The following ULK4 variants were observed in gnomAD, a reference collection of about 807,000 sequenced individuals.
ULK4 encodes inactive serine/threonine-protein kinase ULK4.
Under a neutral mutation model 160.6 loss-of-function variants are expected in ULK4, and 133 were observed. The ratio of observed to expected loss-of-function variants is 0.83; its 90% CI spans 0.72 to 0.96. ULK4 has a LOEUF of 0.96. Among genes scored for constraint, ULK4 ranks in the 40% least tolerant of loss-of-function variants. The pLI is 0.00. For synonymous variants in ULK4, 534 were observed against 539.8 expected, an observed-to-expected ratio of 0.99 and a Z score of 0.15; for missense variants, 1,580 against 1,499.5, an observed-to-expected ratio of 1.05 and a Z score of -0.89.
intron 12 of ULK4, among the ~76,000 whole-genome samples, 189 bp from the exon 13 acceptor site, chr3:41,901,018 TTCCCATTTTACAGATAAAAATATA>T (rs138024885): frequency 0.014 from 2,085 of 152,272 alleles, 21 homozygotes; most frequent in Middle Eastern, 0.024. Flanking sequence ...GGCACCATCA[TTCCCATTTTACAGATAAAAATATA>T]AAACTCTGAG....
intron 31 of ULK4, among the ~76,000 whole-genome samples, chr3:41,569,742 T>C (rs746808411): frequency 2.0e-5 from 3 of 152,038 alleles, no homozygotes; most frequent in African/African-American, 4.8e-5. Flanking sequence ...ATCTATGCTA[T>C]CAGACTTTTC....
intron 31 of ULK4, among the ~76,000 whole-genome samples, chr3:41,570,039 G>A (rs1005434417): frequency 6.6e-6 from 1 of 152,172 alleles, no homozygotes; most frequent in Non-Finnish European, 1.5e-5. Flanking sequence ...GTATCAGAGT[G>A]AGAACATGAA....
chr3:41,524,459 C>A (rs577902659), intron 32 of ULK4, among the ~76,000 whole-genome samples: 25 of 152,256 alleles, frequency 1.6e-4, no homozygotes, highest in African/African-American at 5.8e-4. Flanking sequence ...CAATGGCCAA[C>A]TAGGAGTTCA....
chr3:41,831,960 T>C (rs1369690565), intron 18 of ULK4, among the ~76,000 whole-genome samples: 1 of 152,154 alleles, frequency 6.6e-6, no homozygotes, highest in African/African-American at 2.4e-5. Context: ...TGATGGGCAT[T>C]TGGGTTGGTT....
chr3:41,667,496 G>A (rs1371501618), intron 29 of ULK4, among the ~76,000 whole-genome samples: 1 of 152,172 alleles, frequency 6.6e-6, no homozygotes, highest in Non-Finnish European at 1.5e-5. Context: ...GCTAGTAATT[G>A]AGTCCTGCAC....
intron 35 of ULK4, among the ~76,000 whole-genome samples, chr3:41,329,407 T>C (rs929678204): frequency 1.3e-5 from 2 of 152,222 alleles, no homozygotes; most frequent in African/African-American, 4.8e-5. Flanking sequence ...ACTTTAATTC[T>C]AGACAAAAAA....
At chr3:41,565,212 C>T (rs1314808354) in intron 32 of ULK4, among the ~76,000 whole-genome samples, 2 of 152,250 alleles carry the variant, frequency 1.3e-5, no homozygotes, top group East Asian at 3.9e-4. Flanking sequence ...AACAGATTGC[C>T]GTAGTTACGT....
intron 31 of ULK4, among the ~76,000 whole-genome samples, chr3:41,573,085 G>T (rs2088060334): frequency 6.6e-6 from 1 of 152,170 alleles, no homozygotes; most frequent in South Asian, 2.1e-4. Context: ...ACAGTGCATG[G>T]ACATTTAATA....
At chr3:41,732,187 G>A (rs1373098040) in intron 22 of ULK4, among the ~76,000 whole-genome samples, 5 of 151,912 alleles carry the variant, frequency 3.3e-5, no homozygotes, top group African/African-American at 1.2e-4. Flanking sequence ...GAACAGACAG[G>A]CTACAGAATG....
At chr3:41,931,470 TAA>T (rs61500854) in intron 5 of ULK4, among the ~76,000 whole-genome samples, 21 of 126,986 alleles carry the variant, frequency 1.7e-4, no homozygotes, top group African/African-American at 4.3e-4. Flanking sequence ...CCCTAGAACT[TAA>T]AAAAAAAAAA....
intron 21 of ULK4, among the ~76,000 whole-genome samples, chr3:41,771,672 A>G (rs1227686172): frequency 6.6e-6 from 1 of 152,112 alleles, no homozygotes; most frequent in East Asian, 1.9e-4. Flanking sequence ...CATCACTACC[A>G]CCACCACACA....
intron 35 of ULK4, among the ~76,000 whole-genome samples, chr3:41,306,017 C>T (rs1393098859): frequency 4.3e-4 from 64 of 149,350 alleles, no homozygotes; most frequent in East Asian, 3.0e-3. Flanking sequence ...GGAGCCCCTC[C>T]GCCTGGCAGT....
chr3:41,515,897 T>C (rs531999889), intron 32 of ULK4, among the ~76,000 whole-genome samples: 5 of 152,276 alleles, frequency 3.3e-5, no homozygotes, highest in African/African-American at 7.2e-5. Flanking sequence ...TCAAGGGTGA[T>C]AGAAATCAGA....
chr3:41,785,595 G>A (rs1209184801), intron 21 of ULK4, among the ~76,000 whole-genome samples: 1 of 152,086 alleles, frequency 6.6e-6, no homozygotes, highest in Non-Finnish European at 1.5e-5. Context: ...AAAACAACAC[G>A]TAGAATTCCT....
At chr3:41,458,072 A>G (rs2125874132) in intron 33 of ULK4, among the ~76,000 whole-genome samples, 1 of 152,280 alleles carries the variant, frequency 6.6e-6, no homozygotes, top group South Asian at 2.1e-4. Context: ...TGAGTGGGGC[A>G]GGGCTTGCTG....
chr3:41,396,489 T>A (rs990735035), intron 35 of ULK4, among the ~76,000 whole-genome samples: 1 of 152,130 alleles, frequency 6.6e-6, no homozygotes, highest in Non-Finnish European at 1.5e-5. Flanking sequence ...ATTATTATAG[T>A]CTCTAGTACT....
rs755255048 is a variant in ULK4 at position 41,911,577 on chromosome 3, T to C, written c.979A>G (p.Lys327Glu). 1 of 1,614,106 alleles carries C rather than the reference T, an allele frequency of 6.2e-7. No individual in the cohort carries two copies. The highest frequency in any genetic ancestry group is 1.3e-5 in the African/African-American group (1 of 75,064). ...GAGTGACCTAGTGGTTGACCACTCT[T>C]GTGCCCTTTTGCTTGTCTACTCTGA... is the stretch of plus-strand genomic sequence containing the variant. Reference protein sequence around the residue: ...NSQSRQAKGHKSGQPLGHSFR... With the variant: ...NSQSRQAKGHESGQPLGHSFR... Residue 327 changes from lysine (K) to glutamate (E), a missense_variant, in exon 10 of 37, where the codon AAG (lysine) becomes GAG (glutamate). Coordinates refer to ENST00000301831, the MANE Select transcript of ULK4 (RefSeq NM_017886.4).
intron 5 of ULK4, among the ~76,000 whole-genome samples, chr3:41,924,229 AT>A (rs539619889): frequency 2.6e-5 from 4 of 152,138 alleles, no homozygotes; most frequent in Admixed American, 6.6e-5. Context: ...AGGTAGGGTG[AT>A]TTTTTTCATG....
intron 2 of ULK4, among the ~76,000 whole-genome samples, chr3:41,952,701 C>A (rs1250528988): frequency 6.6e-6 from 1 of 152,176 alleles, no homozygotes; most frequent in Admixed American, 6.5e-5. Context: ...ATAGGACCAG[C>A]AATTCCACTT....
Sources: gnomAD v4.1 joint callset for allele counts (sites outside exome capture counted in the v4.1 genomes callset) on GRCh38, gnomAD v4.1.1 for gene constraint, MANE v1.5 for transcripts, NCBI Gene and HGNC (gene_info 2026-07-23, HGNC 2026-07-21) for gene names.